The following NFIA variants were observed in gnomAD, a reference collection of about 807,000 sequenced individuals.
NFIA encodes the protein nuclear factor I A, also known as nuclear factor 1 A-type.
In NFIA, 8 loss-of-function variants were observed where a neutral mutation model predicts 62.8. The ratio of observed to expected loss-of-function variants is 0.13; its 90% CI spans 0.07 to 0.23. The LOEUF is 0.23. NFIA is among the 10% of genes least tolerant of loss of function. NFIA has a pLI of 1.00. For synonymous variants in NFIA, 235 were observed against 238.1 expected (o/e 0.99, Z 0.12); for missense variants, 410 against 642.1 (o/e 0.64, Z 3.91).
chr1:61,186,916 C>T (rs973205690), intron 2 of NFIA, among the ~76,000 whole-genome samples: 1 of 152,138 alleles, frequency 6.6e-6, no homozygotes, highest in Non-Finnish European at 1.5e-5. Flanking sequence ...GCTGGGATCT[C>T]GTACATTTTC....
chr1:61,437,745 G>T (rs1022549769), intron 10 of NFIA, among the ~76,000 whole-genome samples: 3 of 152,194 alleles, frequency 2.0e-5, no homozygotes, highest in African/African-American at 7.2e-5. Flanking sequence ...AGACACATGA[G>T]TGGTTTTGAA....
chr1:61,298,230 TCA>T (rs1659295570), intron 3 of NFIA, among the ~76,000 whole-genome samples: 1 of 152,186 alleles, frequency 6.6e-6, no homozygotes, highest in African/African-American at 2.4e-5. Flanking sequence ...TTTCCTGTGC[TCA>T]CACACGCTCT....
intron 3 of NFIA, among the ~76,000 whole-genome samples, chr1:61,324,930 T>C (rs543995467): frequency 7.2e-5 from 11 of 152,342 alleles, no homozygotes; most frequent in African/African-American, 2.4e-4. Flanking sequence ...TGTGCTCTAA[T>C]TGGGAATTCA....
chr1:61,422,751 A>AAG (rs1444964556), intron 9 of NFIA, among the ~76,000 whole-genome samples: 1 of 151,150 alleles, frequency 6.6e-6, no homozygotes, highest in Non-Finnish European at 1.5e-5. Context: ...CTATTTAAAA[A>AAG]AAAAAAAAAA....
chr1:61,111,045 C>T (rs759089330), intron 2 of NFIA, among the ~76,000 whole-genome samples: 1 of 152,036 alleles, frequency 6.6e-6, no homozygotes, highest in Non-Finnish European at 1.5e-5. Context: ...AATTAAGACT[C>T]ATTATAGGTT....
chr1:61,431,022 TA>T (rs1271208874), intron 10 of NFIA, among the ~76,000 whole-genome samples: 1 of 152,028 alleles, frequency 6.6e-6, no homozygotes, highest in Non-Finnish European at 1.5e-5. Flanking sequence ...CAGCTGATAT[TA>T]ACATATAGAA....
chr1:61,355,063 C>T (rs192212505), intron 5 of NFIA, among the ~76,000 whole-genome samples: 25 of 152,026 alleles, frequency 1.6e-4, no homozygotes, highest in Non-Finnish European at 2.9e-4. Context: ...ACTTCTAGGC[C>T]GTAATTACAC....
intron 3 of NFIA, among the ~76,000 whole-genome samples, chr1:61,330,740 A>G (rs190251638): frequency 1.3e-5 from 2 of 152,324 alleles, no homozygotes; most frequent in Admixed American, 6.5e-5. Context: ...AGGAATTTCA[A>G]AGATTGGAAC....
chr1:61,393,965 T>C (rs1665138549), intron 7 of NFIA, among the ~76,000 whole-genome samples: 1 of 152,226 alleles, frequency 6.6e-6, no homozygotes, highest in Non-Finnish European at 1.5e-5. Flanking sequence ...CCTCATTGCA[T>C]TGTATAATCC....
rs542911814 is a variant in NFIA, at chr1:61,161,160, C to T, written c.559+72480C>T. ...GAACTCCTGACCTCAAGTGATCCGT[C>T]CACCTTGGCCTCCCAAAGTGCTGGG... On this transcript the variant is annotated intron_variant, in intron 2 of 10. Coordinates refer to ENST00000403491, the MANE Select transcript of NFIA (RefSeq NM_001134673.4). 1.7e-3 allele frequency among the ~76,000 whole-genome samples: 259 copies of T among 152,346 alleles called. 1 individual carries two copies. The highest frequency in any genetic ancestry group is 2.9e-3 in the Non-Finnish European group (199 of 68,038).
chr1:61,101,395 C>CAA (rs1226359890), intron 2 of NFIA, among the ~76,000 whole-genome samples: 4 of 67,456 alleles, frequency 5.9e-5, no homozygotes, highest in African/African-American at 1.1e-4. Flanking sequence ...AACTCCATCT[C>CAA]AAAAAAAAAA....
chr1:61,316,661 C>T (rs1363799462), intron 3 of NFIA, among the ~76,000 whole-genome samples: 2 of 152,086 alleles, frequency 1.3e-5, no homozygotes, highest in Admixed American at 6.5e-5. Flanking sequence ...TACTTGGAGC[C>T]GAGTCTGAGA....
At chr1:61,119,750 T>C (rs1162380264) in intron 2 of NFIA, among the ~76,000 whole-genome samples, 1 of 152,208 alleles carries the variant, frequency 6.6e-6, no homozygotes, top group African/African-American at 2.4e-5. Context: ...CTTGCCTTCT[T>C]GGGTGAAGAA....
chr1:61,254,041 T>C (rs1656221699), intron 2 of NFIA, among the ~76,000 whole-genome samples: 1 of 152,226 alleles, frequency 6.6e-6, no homozygotes, highest in South Asian at 2.1e-4. Flanking sequence ...ACATACTGGT[T>C]AGCTCAGCTA....
chr1:61,109,307 T>C (rs867134435), intron 2 of NFIA, among the ~76,000 whole-genome samples: 2 of 151,866 alleles, frequency 1.3e-5, no homozygotes, highest in Middle Eastern at 3.4e-3. Context: ...GAAGTCCTTT[T>C]CCCCCCTCCA....
intron 2 of NFIA, among the ~76,000 whole-genome samples, chr1:61,268,147 A>G (rs946786984): frequency 6.6e-6 from 1 of 152,220 alleles, no homozygotes; most frequent in African/African-American, 2.4e-5. Flanking sequence ...GCAAAACTCC[A>G]TACACAATCC....
chr1:61,207,821 T>A (rs1652993666), intron 2 of NFIA, among the ~76,000 whole-genome samples: 1 of 152,156 alleles, frequency 6.6e-6, no homozygotes, highest in Admixed American at 6.5e-5. Flanking sequence ...TTTTAAAAGA[T>A]TAGAGCATAC....
intron 7 of NFIA, among the ~76,000 whole-genome samples, chr1:61,383,991 C>T (rs542992277): frequency 2.0e-5 from 3 of 152,228 alleles, no homozygotes; most frequent in South Asian, 4.1e-4. Context: ...AATGTGTCCA[C>T]GAGAAATATG....
intron 8 of NFIA, among the ~76,000 whole-genome samples, chr1:61,406,104 A>G (rs1431174547): frequency 6.6e-6 from 1 of 152,230 alleles, no homozygotes; most frequent in Non-Finnish European, 1.5e-5. Context: ...AATTTATTCT[A>G]TCTATGTAAA....
Sources: allele counts gnomAD v4.1 joint callset (sites outside exome capture counted in the v4.1 genomes callset), GRCh38; gene constraint gnomAD v4.1.1; transcripts MANE v1.5; gene names NCBI Gene and HGNC (gene_info 2026-07-23, HGNC 2026-07-21).